ARSB: variants seen among roughly 807,000 people sequenced by gnomAD.
ARSB encodes arylsulfatase B.
In ARSB, 41 loss-of-function variants were observed where a neutral mutation model predicts 50.9. The observed-to-expected ratio is 0.81, with a 90% CI of 0.63 to 1.04. ARSB has a LOEUF of 1.04. Among genes scored for constraint, ARSB ranks in the 50% least tolerant of loss-of-function variants. ARSB has a pLI of 0.00. For synonymous variants in ARSB, 269 were observed against 284.8 expected, an observed-to-expected ratio of 0.94 and a Z score of 0.56; for missense variants, 672 against 693.3, an observed-to-expected ratio of 0.97 and a Z score of 0.35.
chr5:78,834,999 TTTTC>T (rs1388092523), intron 6 of ARSB, among the ~76,000 whole-genome samples: 7 of 134,848 alleles, frequency 5.2e-5, no homozygotes, highest in Non-Finnish European at 1.1e-4. Context: ...CTCTCTCTCC[TTTTC>T]TTTCTTTCAT....
At position 78,777,264 on chromosome 5, in the gene ARSB, T is replaced by C. The variant is rs905077920; in HGVS notation, c.*3133A>G. The C allele has an allele frequency of 6.6e-6, 1 of 152,290 alleles. No homozygotes were observed. The highest frequency in any genetic ancestry group is 6.5e-5 in the Admixed American group (1 of 15,276). 9.4% of individuals were successfully genotyped at this position (152,290 alleles called of 1,614,324 possible). The stretch of plus-strand genomic sequence containing the variant: ...TATTTATTTAACAGCTTTACTGAGA[T>C]ATAATTTATGTACTATAAAGTTGGT... On this transcript the variant is annotated 3_prime_UTR_variant, in exon 8 of 8. Coordinates refer to ENST00000264914, the MANE Select transcript of ARSB (RefSeq NM_000046.5).
intron 3 of ARSB, among the ~76,000 whole-genome samples, chr5:78,955,939 G>C (rs1158645652): frequency 2.6e-5 from 4 of 152,212 alleles, no homozygotes; most frequent in African/African-American, 9.7e-5. Context: ...TAGCAGGAAT[G>C]TAAAATGGCA....
chr5:78,862,841 T>C (rs2112107043), intron 5 of ARSB, among the ~76,000 whole-genome samples: 1 of 152,230 alleles, frequency 6.6e-6, no homozygotes, highest in East Asian at 1.9e-4. Flanking sequence ...GGAGAAAATT[T>C]TTACAATTTA....
At chr5:78,964,854 CAGTT>C (rs1752140061) in intron 2 of ARSB, among the ~76,000 whole-genome samples, 1 of 137,672 alleles carries the variant, frequency 7.3e-6, no homozygotes, top group Non-Finnish European at 1.5e-5. Context: ...GTAACACTAA[CAGTT>C]TTTTTTTTTA....
At chr5:78,851,886 T>G (rs1028520509) in intron 5 of ARSB, among the ~76,000 whole-genome samples, 19 of 152,140 alleles carry the variant, frequency 1.2e-4, no homozygotes, top group Admixed American at 5.9e-4. Context: ...TTGCAACCCC[T>G]GCCTTTTTTT....
At chr5:78,832,337 G>C (rs1322015809) in intron 6 of ARSB, among the ~76,000 whole-genome samples, 1 of 152,204 alleles carries the variant, frequency 6.6e-6, no homozygotes, top group Non-Finnish European at 1.5e-5. Flanking sequence ...ACCACCAACA[G>C]CCTTCCAGCA....
At chr5:78,806,503 T>G in intron 6 of ARSB, among the ~76,000 whole-genome samples, 1 of 152,246 alleles carries the variant, frequency 6.6e-6, no homozygotes, top group East Asian at 1.9e-4. Context: ...GGATTGATGC[T>G]TTCAGCCTCC....
At chr5:78,781,225 A>C (rs1031666501) in intron 7 of ARSB, among the ~76,000 whole-genome samples, 1 of 151,846 alleles carries the variant, frequency 6.6e-6, no homozygotes, top group Non-Finnish European at 1.5e-5. Context: ...TGATAGCCAC[A>C]TATATTTAAA....
chr5:78,873,953 T>C (rs1329939037), intron 5 of ARSB, among the ~76,000 whole-genome samples: 1 of 152,182 alleles, frequency 6.6e-6, no homozygotes, highest in African/African-American at 2.4e-5. Flanking sequence ...ATAATAGTGA[T>C]AATAAAAAAT....
intron 6 of ARSB, among the ~76,000 whole-genome samples, chr5:78,834,338 G>A (rs1744835201): frequency 2.0e-5 from 3 of 151,404 alleles, no homozygotes; most frequent in Admixed American, 6.6e-5. Context: ...ATACATTCAC[G>A]TTGTTATGCT....
At chr5:78,890,903 G>A (rs1748263031) in intron 4 of ARSB, among the ~76,000 whole-genome samples, 2 of 152,150 alleles carry the variant, frequency 1.3e-5, no homozygotes, top group African/African-American at 4.8e-5. Flanking sequence ...CTGTGAACCT[G>A]CCACTTAGTG....
chr5:78,908,459 G>A (rs959732642), intron 4 of ARSB, among the ~76,000 whole-genome samples: 2 of 152,166 alleles, frequency 1.3e-5, no homozygotes, highest in Non-Finnish European at 2.9e-5. Flanking sequence ...GAGCAGCAGC[G>A]GAGAGCACAG....
chr5:78,936,181 G>C (rs1396044668), intron 4 of ARSB, among the ~76,000 whole-genome samples: 2 of 137,588 alleles, frequency 1.5e-5, no homozygotes, highest in African/African-American at 5.5e-5. Context: ...CTGGAGTGCA[G>C]TGGCGCTATC....
intron 4 of ARSB, among the ~76,000 whole-genome samples, chr5:78,936,804 G>A (rs1750626883): frequency 6.6e-6 from 1 of 152,180 alleles, no homozygotes; most frequent in Non-Finnish European, 1.5e-5. Flanking sequence ...TTTGTTTGCA[G>A]AGTTCACAGA....
chr5:78,901,133 C>G (rs1428215394), intron 4 of ARSB, among the ~76,000 whole-genome samples: 1 of 151,748 alleles, frequency 6.6e-6, no homozygotes, highest in East Asian at 1.9e-4. Flanking sequence ...CTCCCTCTTC[C>G]ACTTTTAAGG....
Position 78,981,993 on chromosome 5 carries a change from G to A in ARSB, c.312+2944C>T, listed in dbSNP as rs1580164186. On this transcript the variant is annotated intron_variant, in intron 1 of 7. Transcript: ENST00000264914. ...CTGCGGACTGCAGTGGCGCAATCTC[G>A]GCTCACTGCAAGCTCCGCTTCCCGG... 7.3e-5 allele frequency among the ~76,000 whole-genome samples: 2 copies of A among 27,500 alleles called. 1 individual carries two copies. Among genetic ancestry groups the A allele is most frequent in the African/African-American group, 2.1e-4 (2 of 9,644 alleles). The allele number at this position is 27,500 out of a possible 152,430, so 18.0% of individuals were successfully genotyped here. A position where few individuals can be genotyped will look rare whatever the true frequency, so the allele number is the denominator to read the frequency against.
chr5:78,855,737 A>C (rs1237599233), intron 5 of ARSB, among the ~76,000 whole-genome samples: 1 of 152,144 alleles, frequency 6.6e-6, no homozygotes, highest in Non-Finnish European at 1.5e-5. Context: ...AGGGGACCCC[A>C]GTGCTCAGGT....
At position 78,980,633 on chromosome 5, in the gene ARSB, C is replaced by T. The variant is rs377644321; in HGVS notation, c.312+4304G>A. On this transcript the variant is annotated intron_variant, in intron 1 of 7. Coordinates refer to ENST00000264914, the MANE Select transcript of ARSB (RefSeq NM_000046.5). ...CAGATCAGTGTGAAGAGTATGTTAC[C>T]ATTCATACAGAAAAAAGAGAGAAAT... 1.8e-3 allele frequency among the ~76,000 whole-genome samples: 277 copies of T among 151,956 alleles called. 1 individual carries two copies. The highest frequency in any genetic ancestry group is 6.4e-3 in the African/African-American group (267 of 41,404).
intron 4 of ARSB, among the ~76,000 whole-genome samples, chr5:78,950,467 G>A (rs1430201963): frequency 1.3e-5 from 2 of 152,148 alleles, no homozygotes; most frequent in African/African-American, 4.8e-5. Flanking sequence ...CTCTACTTCT[G>A]TGTGCTTAGA....
Sources: gnomAD v4.1 joint callset for allele counts (sites outside exome capture counted in the v4.1 genomes callset) on GRCh38, gnomAD v4.1.1 for gene constraint, MANE v1.5 for transcripts, NCBI Gene and HGNC (gene_info 2026-07-23, HGNC 2026-07-21) for gene names.